Variants in PXDNL observed in about 807,000 individuals in gnomAD.
PXDNL encodes probable oxidoreductase PXDNL.
A neutral mutation model predicts 150.8 loss-of-function variants in PXDNL; 145 were observed. The observed-to-expected ratio is 0.96, with a 90% CI of 0.84 to 1.10. The LOEUF (loss-of-function observed/expected upper bound fraction) is 1.10. Ranked by LOEUF, PXDNL falls within the 50% of genes least tolerant of loss-of-function variation. The pLI, the probability that PXDNL is intolerant of heterozygous loss-of-function variation, is 0.00. For synonymous variants in PXDNL, 757 were observed against 725.7 expected (o/e 1.04, Z -0.69); for missense variants, 2,087 against 1,873.9 (o/e 1.11, Z -2.10).
chr8:51,339,484 A>T (rs1268303062), intron 21 of PXDNL, 140 bp downstream of exon 21: 1 of 841,858 alleles, frequency 1.2e-6, no homozygotes, highest in Non-Finnish European at 1.8e-6. Flanking sequence ...AAAAACAAAA[A>T]AAAAGCAATA....
intron 1 of PXDNL, among the ~76,000 whole-genome samples, chr8:51,665,689 A>G (rs7008275): frequency 0.12 from 17,878 of 152,170 alleles, 1,791 homozygotes; most frequent in African/African-American, 0.26. Flanking sequence ...TTTCCTTCCA[A>G]TCCAAAATCA....
chr8:51,734,863 C>T (rs1817001827), intron 1 of PXDNL, among the ~76,000 whole-genome samples: 2 of 152,104 alleles, frequency 1.3e-5, no homozygotes, highest in African/African-American at 4.8e-5. Context: ...TTGGAAGTCT[C>T]AGGTTTAAAA....
intron 2 of PXDNL, among the ~76,000 whole-genome samples, chr8:51,616,512 G>A (rs1368403905): frequency 2.0e-5 from 3 of 152,200 alleles, no homozygotes; most frequent in Non-Finnish European, 2.9e-5. Flanking sequence ...ATCTGTGTAT[G>A]TACAGTGGTC....
intron 21 of PXDNL, 35 bp from the exon 22 acceptor site, chr8:51,320,932 T>C (rs760487068): frequency 1.4e-6 from 2 of 1,474,938 alleles, no homozygotes; most frequent in South Asian, 2.3e-5. Flanking sequence ...AGAGTGGAAA[T>C]TGAAGCGGAT....
intron 17 of PXDNL, among the ~76,000 whole-genome samples, chr8:51,379,786 C>T (rs904239276): frequency 1.3e-5 from 2 of 151,820 alleles, no homozygotes; most frequent in African/African-American, 4.8e-5. Flanking sequence ...AAAATTTTGC[C>T]TCTCAGATTT....
Position 51,392,486 on chromosome 8 carries a change from A to G in PXDNL, c.3557+15581T>C, listed in dbSNP as rs1366084611. 2.0e-5 allele frequency among the ~76,000 whole-genome samples: 3 copies of G among 152,236 alleles called. No homozygotes were observed. The East Asian group carries it at 5.8e-4, about 29-fold the overall frequency. ...TGTAAGTTGGATTTCTAGGTATTTT[A>G]TTCTCTTTGAAGCAATTGTGAATGG... On this transcript the variant is annotated intron_variant, in intron 17 of 22. Transcript: ENST00000356297.
In PXDNL at chr8:51,449,126, G is replaced by A; in HGVS notation, c.1250-8C>T. ...CTGTAAATTGTGGAGGAGCTAAAGA[G>A]AATGAAACATACATCAAAATTGAAA... is the stretch of plus-strand genomic sequence containing the variant. On this transcript the variant is annotated splice_polypyrimidine_tract_variant and splice_region_variant and intron_variant, in intron 10 of 22. Transcript: ENST00000356297. 1 of 1,421,080 alleles carries A rather than the reference G, an allele frequency of 7.0e-7. No homozygotes were observed. The highest frequency in any genetic ancestry group is 9.6e-7 in the Non-Finnish European group (1 of 1,043,856). 88.0% of individuals were successfully genotyped at this position (1,421,080 alleles called of 1,614,324 possible).
chr8:51,640,072 C>T (rs1814711254), intron 2 of PXDNL, among the ~76,000 whole-genome samples: 1 of 152,124 alleles, frequency 6.6e-6, no homozygotes, highest in African/African-American at 2.4e-5. Context: ...TACATGTAAT[C>T]CAGCATAGAA....
intron 4 of PXDNL, among the ~76,000 whole-genome samples, chr8:51,545,265 G>A (rs7014019): frequency 0.26 from 40,106 of 152,024 alleles, 7,937 homozygotes; most frequent in African/African-American, 0.55. Context: ...CTGTAAATAC[G>A]TTTGATGAAA....
At chr8:51,376,144 T>C (rs150653687) in intron 17 of PXDNL, among the ~76,000 whole-genome samples, 21 of 152,340 alleles carry the variant, frequency 1.4e-4, no homozygotes, top group African/African-American at 4.6e-4. Flanking sequence ...TAGATATCCA[T>C]ATGTATATCT....
intron 1 of PXDNL, among the ~76,000 whole-genome samples, chr8:51,768,919 C>A (rs777672822): frequency 2.6e-5 from 4 of 152,138 alleles, no homozygotes; most frequent in Non-Finnish European, 4.4e-5. Flanking sequence ...CACAGTGAAA[C>A]CCCGTCTCTA....
At chr8:51,379,974 T>G (rs1807482116) in intron 17 of PXDNL, among the ~76,000 whole-genome samples, 1 of 152,140 alleles carries the variant, frequency 6.6e-6, no homozygotes, top group Non-Finnish European at 1.5e-5. Flanking sequence ...GAGCCCTTTT[T>G]CTTGTGGCTT....
intron 19 of PXDNL, among the ~76,000 whole-genome samples, chr8:51,362,580 C>T (rs2976998): frequency 0.8 from 121,795 of 151,564 alleles, 49,187 homozygotes; most frequent in East Asian, 0.94. Flanking sequence ...ACTTCCACTA[C>T]TTTTTTTTTG....
At chr8:51,782,880 C>T (rs2037428004) in intron 1 of PXDNL, among the ~76,000 whole-genome samples, 1 of 152,124 alleles carries the variant, frequency 6.6e-6, no homozygotes, top group Non-Finnish European at 1.5e-5. Context: ...CAGACTGTTT[C>T]CTTACTGAGC....
chr8:51,548,264 A>T (rs1357483500), intron 4 of PXDNL, among the ~76,000 whole-genome samples: 1 of 152,198 alleles, frequency 6.6e-6, no homozygotes, highest in Non-Finnish European at 1.5e-5. Flanking sequence ...TTGAAAACTT[A>T]TTTGAGGGAA....
intron 1 of PXDNL, among the ~76,000 whole-genome samples, chr8:51,698,777 A>G (rs1317962455): frequency 2.0e-5 from 3 of 152,370 alleles, no homozygotes; most frequent in African/African-American, 7.2e-5. Context: ...TTCTGAAATT[A>G]TAAGACTTGA....
chr8:51,376,908 C>T (rs191968335), intron 17 of PXDNL, among the ~76,000 whole-genome samples: 3,335 of 151,944 alleles, frequency 0.022, 71 homozygotes, highest in South Asian at 0.079. Context: ...TTAGTAGAGA[C>T]GGGGTTTCAC....
At chr8:51,398,814 T>G (rs1319974912) in intron 17 of PXDNL, among the ~76,000 whole-genome samples, 1 of 152,264 alleles carries the variant, frequency 6.6e-6, no homozygotes, top group Non-Finnish European at 1.5e-5. Context: ...CCCTGAATGA[T>G]GGCTGTGATG....
chr8:51,694,659 T>A (rs1247954810), intron 1 of PXDNL, among the ~76,000 whole-genome samples: 1 of 152,232 alleles, frequency 6.6e-6, no homozygotes, highest in African/African-American at 2.4e-5. Flanking sequence ...TTTCCCTGGC[T>A]TTTCTATTAG....
Sources: gnomAD v4.1 joint callset for allele counts (sites outside exome capture counted in the v4.1 genomes callset) on GRCh38, gnomAD v4.1.1 for gene constraint, MANE v1.5 for transcripts, NCBI Gene and HGNC (gene_info 2026-07-23, HGNC 2026-07-21) for gene names.